Variants in PCDHA7 observed in about 807,000 individuals in gnomAD.
PCDHA7 encodes the protein protocadherin alpha-7.
PCDHA7 carries 37 observed loss-of-function variants against 57.2 expected under a neutral mutation model. That is an observed-to-expected ratio of 0.65 (90% CI 0.50 to 0.85). The LOEUF is 0.85. Among genes scored for constraint, PCDHA7 ranks in the 40% least tolerant of loss-of-function variants. The probability of loss-of-function intolerance (pLI) is 0.00; values close to 1 mark genes in which losing one functional copy is unlikely to be tolerated. For synonymous variants in PCDHA7, 553 were observed against 558.8 expected, an observed-to-expected ratio of 0.99 and a Z score of 0.15; for missense variants, 1,188 against 1,241.8, an observed-to-expected ratio of 0.96 and a Z score of 0.65.
Position 140,925,641 on chromosome 5 carries a change from T to TATAATAATAATA in PCDHA7, c.2356-53282_2356-53271dup, listed in dbSNP as rs10569930. On this transcript the variant is annotated intron_variant, in intron 1 of 3. Coordinates refer to ENST00000525929, the MANE Select transcript of PCDHA7 (RefSeq NM_018910.3). ...TGCACATGTACCCTAGAACTTAAAG[T>TATAATAATAATA]ATAATAATAATAATAATAATAATAA... 2.2e-3 allele frequency among the ~76,000 whole-genome samples: 310 copies of TATAATAATAATA among 143,350 alleles called. 1 individual carries two copies. The highest frequency in any genetic ancestry group is 2.8e-3 in the East Asian group (14 of 4,930). 94.0% of individuals were successfully genotyped at this position (143,350 alleles called of 152,430 possible).
chr5:140,902,258 G>A (rs1389556264), intron 1 of PCDHA7, among the ~76,000 whole-genome samples: 2 of 137,592 alleles, frequency 1.5e-5, no homozygotes, highest in African/African-American at 5.6e-5. Context: ...GGCTGGTCTC[G>A]AACTCCTGGG....
chr5:140,867,485 T>C (rs1329188157), intron 1 of PCDHA7: 1 of 152,044 alleles, frequency 6.6e-6, no homozygotes, highest in Non-Finnish European at 1.5e-5. Context: ...AAAGAGTAAA[T>C]ATGAAAAAAG....
intron 1 of PCDHA7, among the ~76,000 whole-genome samples, chr5:140,900,021 T>A (rs1423634160): frequency 1.3e-5 from 2 of 152,092 alleles, no homozygotes; most frequent in Non-Finnish European, 2.9e-5. Context: ...TGTTACCCAG[T>A]TTGGCCTTGA....
intron 3 of PCDHA7, among the ~76,000 whole-genome samples, chr5:141,005,404 G>A (rs1265064301): frequency 6.6e-6 from 1 of 152,166 alleles, no homozygotes; most frequent in Non-Finnish European, 1.5e-5. Context: ...CAGACTTGAA[G>A]AGTGAGGAGT....
Position 140,835,552 on chromosome 5 carries a change from C to A in PCDHA7, c.1169C>A (p.Thr390Lys), listed in dbSNP as rs550090383. ...AACGGACAGGTTACCTGCTCCCTGACGCCCCGCGTTCCCTTCAAGTTGGTG... is the reference window on the plus strand; with the variant it reads ...AACGGACAGGTTACCTGCTCCCTGAAGCCCCGCGTTCCCTTCAAGTTGGTG... The part of the protein sequence containing the change: ...GVNGQVTCSL[T>K]PRVPFKLVST... Residue 390 changes from threonine (T) to lysine (K), a missense_variant, in exon 1 of 4, where the codon ACG becomes AAG. Physicochemically the swap from Thr to Lys is moderately conservative, Grantham distance 78. Transcript: ENST00000525929. 1 of 1,613,824 alleles carries A rather than the reference C, an allele frequency of 6.2e-7. No homozygotes were observed. The highest frequency in any genetic ancestry group is 8.5e-7 in the Non-Finnish European group (1 of 1,179,866).
At chr5:140,878,389 T>A (rs528504145) in intron 1 of PCDHA7, among the ~76,000 whole-genome samples, 1 of 152,360 alleles carries the variant, frequency 6.6e-6, no homozygotes, top group East Asian at 1.9e-4. Flanking sequence ...ATTTTCTTCA[T>A]TGCTCACAAA....
chr5:140,954,652 T>C (rs541171307), intron 1 of PCDHA7, among the ~76,000 whole-genome samples: 24 of 152,356 alleles, frequency 1.6e-4, no homozygotes, highest in African/African-American at 5.8e-4. Flanking sequence ...TTTAAGTTCC[T>C]TGTAGACTCT....
chr5:140,926,919 A>G, intron 1 of PCDHA7: 9 of 1,566,668 alleles, frequency 5.7e-6, no homozygotes, highest in Non-Finnish European at 7.8e-6. Flanking sequence ...TGGCAGTTTT[A>G]TGTTTGTGGG....
intron 1 of PCDHA7, among the ~76,000 whole-genome samples, chr5:140,901,864 C>G (rs782513656): frequency 4.6e-4 from 70 of 152,126 alleles, no homozygotes; most frequent in Non-Finnish European, 5.7e-4. Flanking sequence ...TTTGTGTCCT[C>G]TTCAATTTCT....
chr5:140,993,996 G>T (rs1163632974), intron 3 of PCDHA7, among the ~76,000 whole-genome samples: 1 of 152,148 alleles, frequency 6.6e-6, no homozygotes, highest in Non-Finnish European at 1.5e-5. Flanking sequence ...CTTAGGTCAG[G>T]CCAGGCTCTG....
rs2150217412 is a variant in PCDHA7 at position 140,834,416 on chromosome 5, C to A, written c.33C>A (p.Gly11=). 5 of 1,611,158 alleles carry A rather than the reference C, an allele frequency of 3.1e-6. No homozygotes were observed. Among genetic ancestry groups the A allele is most frequent in the Admixed American group, 1.7e-5 (1 of 59,872 alleles). Reference sequence around the variant, plus strand: ...GCCCGAATGGATACGACCCAGGGGGCCGACATCTACTGCTGTTTATTATAA... The same window carrying A: ...GCCCGAATGGATACGACCCAGGGGGACGACATCTACTGCTGTTTATTATAA... MVCPNGYDPG[G]RHLLLFIIIL... The change falls in exon 1 of 4, where the codon GGC becomes GGA. Residue 11 remains glycine, a synonymous_variant. Coordinates refer to ENST00000525929, the MANE Select transcript of PCDHA7 (RefSeq NM_018910.3).
chr5:140,856,960 T>C, intron 1 of PCDHA7: 2 of 1,593,258 alleles, frequency 1.3e-6, no homozygotes, highest in Non-Finnish European at 8.6e-7. Flanking sequence ...TAAAAGTAAA[T>C]GATGCTATTG....
intron 1 of PCDHA7, chr5:140,969,343 G>C: frequency 1.2e-6 from 2 of 1,613,728 alleles, no homozygotes; most frequent in Non-Finnish European, 1.7e-6. Flanking sequence ...TGAGACAGTG[G>C]TCAGGGGGTC....
At position 140,848,714 on chromosome 5, in the gene PCDHA7, C is replaced by A. The variant is rs2150418580; in HGVS notation, c.2355+11976C>A. On this transcript the variant is annotated intron_variant, in intron 1 of 3. Transcript: ENST00000525929. ...AGTTGGATTCCAAAGGCCGCGGGGA[C>A]CTTCTGGAGGTAAATCTGCAGAATG... 5.0e-6 allele frequency: 8 copies of A among 1,592,122 alleles called. 1 individual carries two copies. Among genetic ancestry groups the A allele is most frequent in the Non-Finnish European group, 6.0e-6 (7 of 1,163,208 alleles).
In PCDHA7 at chr5:140,842,635, C is replaced by T. The variant is rs1330338408; in HGVS notation, c.2355+5897C>T. 10 of 1,590,774 alleles carry T rather than the reference C, an allele frequency of 6.3e-6. 1 individual carries two copies. Among genetic ancestry groups the T allele is most frequent in the Non-Finnish European group, 8.6e-6 (10 of 1,163,124 alleles). ...GGGGCTCGCCTTCGCTGTGGGCCAC[C>T]GCCAGCTTGTCTGTGGAGGTGGCCG... On this transcript the variant is annotated intron_variant, in intron 1 of 3. Coordinates refer to ENST00000525929, the MANE Select transcript of PCDHA7 (RefSeq NM_018910.3).
chr5:140,889,400 A>T (rs187751360), intron 1 of PCDHA7, among the ~76,000 whole-genome samples: 1 of 152,050 alleles, frequency 6.6e-6, no homozygotes, highest in Admixed American at 6.5e-5. Context: ...AGTTTAATTT[A>T]CTCGAGTCAG....
At chr5:140,944,060 T>G in intron 1 of PCDHA7, among the ~76,000 whole-genome samples, 1 of 152,204 alleles carries the variant, frequency 6.6e-6, no homozygotes, top group Non-Finnish European at 1.5e-5. Flanking sequence ...ACAAAAAGGT[T>G]TCTTGTTAAA....
At chr5:140,949,144 T>C (rs2094347159) in intron 1 of PCDHA7, among the ~76,000 whole-genome samples, 1 of 151,806 alleles carries the variant, frequency 6.6e-6, no homozygotes, top group Non-Finnish European at 1.5e-5. Context: ...TTGTTGCTTT[T>C]GATTTCTAAT....
At chr5:140,865,328 G>C (rs2048826529) in intron 1 of PCDHA7, 2 of 152,116 alleles carry the variant, frequency 1.3e-5, no homozygotes. Flanking sequence ...CTTTAATTCT[G>C]TGTAAAGAAA....
Sources: allele counts gnomAD v4.1 joint callset (sites outside exome capture counted in the v4.1 genomes callset), GRCh38; gene constraint gnomAD v4.1.1; transcripts MANE v1.5; gene names NCBI Gene and HGNC (gene_info 2026-07-23, HGNC 2026-07-21).